Variants in ADAM33 observed in about 807,000 individuals in gnomAD.
The protein encoded by ADAM33 is disintegrin and metalloproteinase domain-containing protein 33.
A neutral mutation model predicts 106.2 loss-of-function variants in ADAM33; 103 were observed. That is an observed-to-expected ratio of 0.97 (90% confidence interval 0.83 to 1.14). The LOEUF (loss-of-function observed/expected upper bound fraction) is 1.14, where lower values mean the gene tolerates loss of function less well. ADAM33 is among the 50% of genes most tolerant of loss of function. The pLI is 0.00. For synonymous variants in ADAM33, 483 were observed against 453.0 expected (o/e 1.07, Z -0.84); for missense variants, 1,120 against 1,096.6 (o/e 1.02, Z -0.30).
At chr20:3,677,203 A>T (rs964697766) in intron 2 of ADAM33, 60 bp from the exon 3 acceptor site, 1 of 1,456,744 alleles carries the variant, frequency 6.9e-7, no homozygotes, top group Non-Finnish European at 9.1e-7. Flanking sequence ...CCTGCCAGGG[A>T]GTAGGTGGCC....
Position 3,672,305 on chromosome 20 carries a change from G to A in ADAM33, c.1426C>T (p.Arg476Cys), listed in dbSNP as rs779669835. 6.2e-7 allele frequency: 1 copy of A among 1,613,016 alleles called. No homozygotes were observed. Among genetic ancestry groups the A allele is most frequent in the Middle Eastern group, 1.7e-4 (1 of 6,048 alleles). The change falls in exon 14 of 22, where the codon CGC (arginine) becomes TGC (cysteine). Residue 476 changes from arginine (R) to cysteine (C), a missense_variant. Physicochemically the swap from Arg to Cys is radical, Grantham distance 180. Coordinates refer to ENST00000356518, the MANE Select transcript of ADAM33 (RefSeq NM_025220.5). Reference sequence around the variant, plus strand: ...AGGTCACAGTCACCCATGGCCTGGCGGCACAGCGCTCCAGCCGGCTTCAGC... The same window carrying A: ...AGGTCACAGTCACCCATGGCCTGGCAGCACAGCGCTCCAGCCGGCTTCAGC... The part of the protein sequence containing the change: ...CLLKPAGALC[R>C]QAMGDCDLPE...
At chr20:3,680,648 G>A (rs1000284688) in intron 1 of ADAM33, among the ~76,000 whole-genome samples, 2 of 152,174 alleles carry the variant, frequency 1.3e-5, no homozygotes, top group Non-Finnish European at 2.9e-5. Context: ...TGTGGGGGAG[G>A]GGAAGGAGGG....
At chr20:3,680,834 G>T (rs546233348) in intron 1 of ADAM33, among the ~76,000 whole-genome samples, 1 of 152,312 alleles carries the variant, frequency 6.6e-6, no homozygotes, top group South Asian at 2.1e-4. Flanking sequence ...CTGGCCACGG[G>T]CACCCTGACC....
rs997909488 is a variant in ADAM33 at position 3,675,060 on chromosome 20, A to C, written c.300T>G (p.Asp100Glu). 1 of 1,613,402 alleles carries C rather than the reference A, an allele frequency of 6.2e-7. No homozygotes were observed. Among genetic ancestry groups the C allele is most frequent in the Non-Finnish European group, 8.5e-7 (1 of 1,179,888 alleles). The change falls in exon 4 of 22, where the codon GAT becomes GAG. Residue 100 changes from aspartate (D) to glutamate (E), a missense_variant. Transcript: ENST00000356518. The surrounding 1 kb of genome is among the most constrained non-coding windows in gnomAD (Gnocchi z 4.1). ...PGYIETHYGP[D>E]GQPVVLAPNH... Reference sequence around the variant, plus strand: ...TGGGGGCCAGCACCACTGGCTGCCCATCTGGGCCGTAGTGGGTTTCTATGT... The same window carrying C: ...TGGGGGCCAGCACCACTGGCTGCCCCTCTGGGCCGTAGTGGGTTTCTATGT...
rs778808025 is a variant in ADAM33 at position 3,669,528 on chromosome 20, C to G, written c.2332+18G>C. On this transcript the variant is annotated intron_variant, in intron 20 of 21. Coordinates refer to ENST00000356518, the MANE Select transcript of ADAM33 (RefSeq NM_025220.5). ...CCTTCTCCCTTCCCTCTCCACCTCCCCCTGGTGCCTCACTCACCCAGGGGC... is the reference window on the plus strand; with the variant it reads ...CCTTCTCCCTTCCCTCTCCACCTCCGCCTGGTGCCTCACTCACCCAGGGGC... The G allele has an allele frequency of 2.6e-6, 4 of 1,566,970 alleles. No individual in the cohort carries two copies. The East Asian group carries it at 9.2e-5, about 36-fold the overall frequency.
rs138747629 is a variant in ADAM33 at position 3,671,713 on chromosome 20, C to T, written c.1773G>A (p.Val591=). The part of the protein sequence containing the change: ...GKPSLLAPHM[V]PVDSTVHLDG... Reference sequence around the variant, plus strand: ...CTAGGTGAACGGTAGAGTCCACTGGCACCATGTGCGGTGCGAGCAGGCTGG... The same window carrying T: ...CTAGGTGAACGGTAGAGTCCACTGGTACCATGTGCGGTGCGAGCAGGCTGG... Residue 591 remains valine, a synonymous_variant, in exon 16 of 22, where the codon GTG becomes GTA. Transcript: ENST00000356518. 5.0e-6 allele frequency: 8 copies of T among 1,586,994 alleles called. No individual in the cohort carries two copies. Among genetic ancestry groups the T allele is most frequent in the Non-Finnish European group, 6.9e-6 (8 of 1,166,354 alleles).
Position 3,681,942 on chromosome 20 carries a change from C to G in ADAM33, c.63G>C (p.Leu21=). ...TPLLLLLLLL[L]LWPVPGAGVL... ...CCCCGGCGCCTGGCACTGGCCAGAG[C>G]AGCAGCAGTAGTAGCAGCAGCAGCA... The change falls in exon 1 of 22, where the codon CTG becomes CTC. Residue 21 remains leucine, a synonymous_variant. Coordinates refer to ENST00000356518, the MANE Select transcript of ADAM33 (RefSeq NM_025220.5). The G allele has an allele frequency of 1.3e-6, 2 of 1,576,340 alleles. No individual in the cohort carries two copies. The highest frequency in any genetic ancestry group is 1.7e-6 in the Non-Finnish European group (2 of 1,162,664).
intron 3 of ADAM33, 48 bp downstream of exon 3, chr20:3,677,019 C>T (rs1047073420): frequency 1.9e-6 from 3 of 1,594,064 alleles, no homozygotes; most frequent in African/African-American, 2.7e-5. Context: ...GTCCCTGCCC[C>T]CCAACACTGA....
At chr20:3,669,251 A>C in intron 21 of ADAM33, 48 bp downstream of exon 21, 2 of 1,178,998 alleles carry the variant, frequency 1.7e-6, no homozygotes, top group Non-Finnish European at 2.2e-6. Flanking sequence ...GAGAGGTGGG[A>C]GGGTGGGCGA....
At chr20:3,673,985 C>T in intron 8 of ADAM33, 74 bp from the exon 9 acceptor site, 1 of 1,605,072 alleles carries the variant, frequency 6.2e-7, no homozygotes, top group Non-Finnish European at 8.5e-7. Flanking sequence ...GGCGCCCTTC[C>T]TCTTCCCCAA....
At chr20:3,680,258 C>T (rs895863811) in intron 1 of ADAM33, among the ~76,000 whole-genome samples, 1 of 151,928 alleles carries the variant, frequency 6.6e-6, no homozygotes, top group Non-Finnish European at 1.5e-5. Context: ...GCTCCCAGCC[C>T]TCCACTGGCC....
chr20:3,674,586 A>C lies in ADAM33; in HGVS notation c.518T>G (p.Leu173Arg). The change falls in exon 6 of 22, where the codon CTC becomes CGC. Residue 173 changes from leucine (L) to arginine (R), a missense_variant. By Grantham distance (102) the Leu-to-Arg change is moderately radical. Transcript: ENST00000356518. ...GTGGCCACAGGTTCCTTTCCAGGTG[A>C]GCAGCTGCTCCATCCGAAAGATCTC... ...THEIFRMEQL[L>R]TWKGTCGHRD... The C allele has an allele frequency of 6.2e-7, 1 of 1,613,218 alleles. No individual in the cohort carries two copies. The highest frequency in any genetic ancestry group is 8.5e-7 in the Non-Finnish European group (1 of 1,179,800).
chr20:3,670,047 C>A, intron 19 of ADAM33: 1 of 336,904 alleles, frequency 3.0e-6, no homozygotes, highest in Non-Finnish European at 5.6e-6. Context: ...CCATCCCATC[C>A]CCCAAGGCCT....
In ADAM33 at chr20:3,677,156, A is replaced by G. The variant is rs568251; in HGVS notation, c.178-13T>C. 1,370,658 of 1,598,324 alleles carry G rather than the reference A, an allele frequency of 0.86. 588,644 individuals carry two copies. Among genetic ancestry groups the G allele is most frequent in the East Asian group, 0.98 (43,139 of 44,000 alleles). On this transcript the variant is annotated splice_polypyrimidine_tract_variant and intron_variant, in intron 2 of 21. Transcript: ENST00000356518. ...CTGGCTTCGAGACCTGGGCAAGAAA[A>G]TGTGTGGAGCTGAGATGGTGGCCTC... is the stretch of plus-strand genomic sequence containing the variant.
At position 3,674,761 on chromosome 20, in the gene ADAM33, C is replaced by T. The variant is rs1175681260; in HGVS notation, c.410+12G>A. On this transcript the variant is annotated intron_variant, in intron 5 of 21. Transcript: ENST00000356518. ...CCCCATCCCAGGCCCAGCCTCCTCTCCCAGAGCTCACCTCATCCCAGAGCA... is the reference window on the plus strand; with the variant it reads ...CCCCATCCCAGGCCCAGCCTCCTCTTCCAGAGCTCACCTCATCCCAGAGCA... The T allele has an allele frequency of 1.9e-6, 3 of 1,602,546 alleles. No homozygotes were observed. Among genetic ancestry groups the T allele is most frequent in the Middle Eastern group, 1.7e-4 (1 of 6,002 alleles).
chr20:3,680,444 C>T (rs1242141524), intron 1 of ADAM33, among the ~76,000 whole-genome samples: 1 of 152,344 alleles, frequency 6.6e-6, no homozygotes, highest in East Asian at 1.9e-4. Context: ...AGTGACTCAG[C>T]TCCTGCTAGG....
chr20:3,672,780 C>G lies in ADAM33; in HGVS notation c.1252G>C (p.Ala418Pro), dbSNP rs1206539761. Residue 418 changes from alanine to proline, a missense_variant, in exon 12 of 22, where the codon GCG (alanine) becomes CCG (proline). Ala to Pro is a conservative substitution (Grantham distance 27). Transcript: ENST00000356518. ...APDPGLPVPP[A>P]LCGNGFVEAG... ...TCCACGAAGCCGTTCCCGCAGAGCG[C>G]CGGCGGCACCGGGAGTCCGGGGTCC... 2.5e-6 allele frequency: 4 copies of G among 1,570,352 alleles called. No individual in the cohort carries two copies. In the Admixed American group the frequency reaches 7.2e-5, roughly 28 times the overall value.
Position 3,671,445 on chromosome 20 carries a change from A to G in ADAM33, c.1957T>C (p.Cys653Arg). 6.2e-7 allele frequency: 1 copy of G among 1,612,458 alleles called. No homozygotes were observed. ...RKNAFQELQR[C>R]LTACHSHGVC... The stretch of plus-strand genomic sequence containing the variant: ...CCGTGGCTGTGGCAGGCAGTCAGGC[A>G]GCGCTGAAGCTCCTGGAAGGCATTC... The change falls in exon 17 of 22, where the codon TGC becomes CGC. Residue 653 changes from cysteine (C) to arginine (R), a missense_variant. Cys to Arg is a radical substitution (Grantham distance 180). Coordinates refer to ENST00000356518, the MANE Select transcript of ADAM33 (RefSeq NM_025220.5).
chr20:3,675,711 A>G lies in ADAM33; in HGVS notation c.255-606T>C, dbSNP rs1240077298. On this transcript the variant is annotated intron_variant, in intron 3 of 21. Coordinates refer to ENST00000356518, the MANE Select transcript of ADAM33 (RefSeq NM_025220.5). This position sits in a 1 kb window ranked among gnomAD's most constrained non-coding sequence, Gnocchi z 4.1. ...CACCCTCCCTGCCTTCTCCACACCC[A>G]CTCCGGTAATGATTCCATCTTCAGG... Among the ~76,000 whole-genome samples the G allele has an allele frequency of 6.6e-6, 1 of 151,174 alleles. No individual in the cohort carries two copies. Among genetic ancestry groups the G allele is most frequent in the Non-Finnish European group, 1.5e-5 (1 of 67,800 alleles).
Sources: gnomAD v4.1 joint callset for allele counts (sites outside exome capture counted in the v4.1 genomes callset) on GRCh38, gnomAD v4.1.1 for gene constraint, Gnocchi (gnomAD v3.1) non-coding constraint, MANE v1.5 for transcripts, NCBI Gene and HGNC (gene_info 2026-07-23, HGNC 2026-07-21) for gene names.